TMEM272: variants seen among roughly 807,000 people sequenced by gnomAD.
TMEM272 encodes the protein transmembrane protein 272, also known as long intergenic non-protein coding RNA 282.
Under a neutral mutation model 3.7 loss-of-function variants are expected in TMEM272, and 8 were observed. The observed-to-expected ratio is 2.17, with a 90% CI of 1.27 to 3.91. The LOEUF (loss-of-function observed/expected upper bound fraction) is 3.91, where lower values mean the gene tolerates loss of function less well. TMEM272 is among the 30% of genes most tolerant of loss of function. The pLI is 0.00. For missense variants in TMEM272, 166 were observed against 91.5 expected, an observed-to-expected ratio of 1.81 and a Z score of -3.32; for synonymous variants, 63 against 39.8, an observed-to-expected ratio of 1.58 and a Z score of -2.20.
intron 1 of TMEM272, among the ~76,000 whole-genome samples, chr13:51,838,890 T>A (rs1397717093): frequency 6.6e-6 from 1 of 151,960 alleles, no homozygotes; most frequent in African/African-American, 2.4e-5. Flanking sequence ...TTTAAATAGG[T>A]CATCTCATAT....
At chr13:51,905,584 G>A in the TMEM272 span, among the ~76,000 whole-genome samples, 1 of 152,202 alleles carries the variant, frequency 6.6e-6, no homozygotes, top group African/African-American at 2.4e-5. Flanking sequence ...TCGCAGCGGC[G>A]CGGTCGACCC....
chr13:51,817,343 C>T (rs939000896), intron 4 of TMEM272, among the ~76,000 whole-genome samples: 4 of 152,190 alleles, frequency 2.6e-5, no homozygotes, highest in African/African-American at 7.2e-5. Context: ...ATAAATTCAT[C>T]GCCAGCATCC....
Position 51,822,069 on chromosome 13 carries a change from C to A in TMEM272, c.187G>T (p.Val63Phe), listed in dbSNP as rs776267662. 4.3e-6 allele frequency: 3 copies of A among 702,476 alleles called. No homozygotes were observed. Among genetic ancestry groups the A allele is most frequent in the Non-Finnish European group, 7.8e-6 (3 of 384,976 alleles). The allele number at this position is 702,476 out of a possible 1,614,324, so 43.5% of individuals were successfully genotyped here. A position where few individuals can be genotyped will look rare whatever the true frequency, so the allele number is the denominator to read the frequency against. ...AGATACTTTACCTTTAAGGTACCGACGATGCCACCCACTAGCAAATATAAA... is the reference window on the plus strand; with the variant it reads ...AGATACTTTACCTTTAAGGTACCGAAGATGCCACCCACTAGCAAATATAAA... ...IPLYLLVGGI[V>F]GTLKVSLLLY... Residue 63 changes from valine (V) to phenylalanine (F), a missense_variant, in exon 4 of 5, where the codon GTC (valine) becomes TTC (phenylalanine). Val to Phe is a conservative substitution (Grantham distance 50, BLOSUM62 -1). Transcript: ENST00000629372.
At chr13:51,853,458 G>A in the TMEM272 span, among the ~76,000 whole-genome samples, 2 of 152,036 alleles carry the variant, frequency 1.3e-5, no homozygotes, top group Non-Finnish European at 2.9e-5. Flanking sequence ...TATTCATTAA[G>A]TGTAAATGGA....
chr13:51,823,887 G>A (rs920879353), intron 3 of TMEM272, among the ~76,000 whole-genome samples: 55 of 152,140 alleles, frequency 3.6e-4, no homozygotes, highest in African/African-American at 1.2e-3. Flanking sequence ...AAATATACAC[G>A]TTGATCCAAT....
chr13:51,871,986 G>C, the TMEM272 span, among the ~76,000 whole-genome samples: 1 of 152,138 alleles, frequency 6.6e-6, no homozygotes, highest in Non-Finnish European at 1.5e-5. Flanking sequence ...AGGCCTAGAA[G>C]TGCTAATTCT....
At chr13:51,926,442 A>G in the TMEM272 span, among the ~76,000 whole-genome samples, 1 of 152,200 alleles carries the variant, frequency 6.6e-6, no homozygotes, top group South Asian at 2.1e-4. Context: ...GGCAGTGGAC[A>G]CAATTCACTA....
intron 2 of TMEM272, among the ~76,000 whole-genome samples, chr13:51,832,760 G>A (rs1956183821): frequency 1.3e-5 from 2 of 152,170 alleles, no homozygotes; most frequent in Middle Eastern, 3.4e-3. Context: ...TGCATGAGGG[G>A]GTATTTTTAT....
upstream of TMEM272, among the ~76,000 whole-genome samples, chr13:51,849,723 G>A (rs1452032690): frequency 6.6e-6 from 1 of 152,208 alleles, no homozygotes; most frequent in East Asian, 1.9e-4. Context: ...CTGAAGTGGC[G>A]CCTTGGAGTG....
At chr13:51,830,018 A>C (rs1424588906) in intron 2 of TMEM272, among the ~76,000 whole-genome samples, 1 of 152,194 alleles carries the variant, frequency 6.6e-6, no homozygotes, top group Non-Finnish European at 1.5e-5. Flanking sequence ...GTACAAACAG[A>C]TCTTGTCAAA....
chr13:51,890,432 T>C, the TMEM272 span, among the ~76,000 whole-genome samples: 2 of 152,132 alleles, frequency 1.3e-5, no homozygotes, highest in Non-Finnish European at 2.9e-5. Flanking sequence ...TCTCTTGCCA[T>C]GTGATCTCTG....
the TMEM272 span, among the ~76,000 whole-genome samples, chr13:51,915,997 C>T: frequency 2.6e-5 from 4 of 152,116 alleles, no homozygotes; most frequent in South Asian, 2.1e-4. Flanking sequence ...CACTTGAACC[C>T]GGGAGGCGGA....
chr13:51,870,304 G>T, the TMEM272 span, among the ~76,000 whole-genome samples: 3 of 151,984 alleles, frequency 2.0e-5, no homozygotes, highest in African/African-American at 7.3e-5. Flanking sequence ...CATTTTATTA[G>T]GATAAATTAA....
At chr13:51,914,601 T>C in the TMEM272 span, among the ~76,000 whole-genome samples, 4 of 152,250 alleles carry the variant, frequency 2.6e-5, no homozygotes, top group Non-Finnish European at 4.4e-5. Context: ...GTTCAGCCTC[T>C]GACTCTGCTA....
At chr13:51,869,491 A>ATTT in the TMEM272 span, among the ~76,000 whole-genome samples, 1,455 of 142,834 alleles carry the variant, frequency 0.01, 22 homozygotes, top group African/African-American at 0.027. Context: ...CAATTCAGTA[A>ATTT]TTTTTTTTTT....
the TMEM272 span, chr13:51,910,764 G>T: frequency 2.8e-6 from 1 of 356,924 alleles, no homozygotes; most frequent in Non-Finnish European, 5.5e-6. Context: ...TCAGCTGCGG[G>T]GGAATCTGGA....
chr13:51,873,352 T>G, the TMEM272 span, among the ~76,000 whole-genome samples: 5 of 152,276 alleles, frequency 3.3e-5, no homozygotes, highest in Admixed American at 1.3e-4. Flanking sequence ...TAGCACCGAA[T>G]AGTGATCCAC....
At chr13:51,882,414 C>G in the TMEM272 span, among the ~76,000 whole-genome samples, 1 of 152,154 alleles carries the variant, frequency 6.6e-6, no homozygotes, top group Admixed American at 6.5e-5. Context: ...AGTAGTATCC[C>G]AAATAATTTT....
At chr13:51,910,098 G>T in the TMEM272 span, 1 of 1,088,020 alleles carries the variant, frequency 9.2e-7, no homozygotes, top group Non-Finnish European at 1.4e-6. Flanking sequence ...ATCTTCTAGA[G>T]ACTGTATCTT....
Sources: allele counts gnomAD v4.1 joint callset (sites outside exome capture counted in the v4.1 genomes callset), GRCh38; gene constraint gnomAD v4.1.1; transcripts MANE v1.5; gene names NCBI Gene and HGNC (gene_info 2026-07-23, HGNC 2026-07-21).